The following FNTA variants were observed in gnomAD, a reference collection of about 807,000 sequenced individuals.
The protein encoded by FNTA is protein farnesyltransferase/geranylgeranyltransferase type-1 subunit alpha.
FNTA carries 27 observed loss-of-function variants against 55.2 expected under a neutral mutation model. The ratio of observed to expected loss-of-function variants is 0.49; its 90% CI spans 0.36 to 0.67. The LOEUF (loss-of-function observed/expected upper bound fraction) is 0.67, where lower values mean the gene tolerates loss of function less well. FNTA is among the 30% of genes least tolerant of loss of function. The pLI, the probability that FNTA is intolerant of heterozygous loss-of-function variation, is 0.00. For missense variants in FNTA, 422 were observed against 464.7 expected, an observed-to-expected ratio of 0.91 and a Z score of 0.85; for synonymous variants, 176 against 170.7, an observed-to-expected ratio of 1.03 and a Z score of -0.24.
chr8:43,073,932 A>T (rs117040226), intron 5 of FNTA, among the ~76,000 whole-genome samples: 1 of 152,190 alleles, frequency 6.6e-6, no homozygotes, highest in East Asian at 1.9e-4. Context: ...GTTATTTTCA[A>T]TGAGGATTTA....
intron 7 of FNTA, 63 bp downstream of exon 7, chr8:43,083,243 AGTGT>A: frequency 2.2e-6 from 2 of 890,420 alleles, no homozygotes; most frequent in Non-Finnish European, 3.6e-6. Flanking sequence ...TGCATCATGG[AGTGT>A]ATTCCATAAT....
At chr8:43,071,689 C>T (rs1395125142) in intron 4 of FNTA, among the ~76,000 whole-genome samples, 4 of 139,900 alleles carry the variant, frequency 2.9e-5, no homozygotes, top group African/African-American at 1.1e-4. Context: ...AGCGAGACTT[C>T]GTCTCAAAAA....
chr8:43,064,585 G>A (rs1270346091), intron 3 of FNTA, among the ~76,000 whole-genome samples: 1 of 152,098 alleles, frequency 6.6e-6, no homozygotes, highest in Non-Finnish European at 1.5e-5. Flanking sequence ...AAAGTGTTTG[G>A]ATTGCAGGTG....
chr8:43,059,474 G>A (rs1810483890), intron 2 of FNTA, among the ~76,000 whole-genome samples: 1 of 152,176 alleles, frequency 6.6e-6, no homozygotes, highest in South Asian at 2.1e-4. Flanking sequence ...CCGCCAGGGA[G>A]ATTATGCATG....
At chr8:43,059,038 C>A (rs779119464) in intron 1 of FNTA, 54 bp from the exon 2 acceptor site, 5 of 1,256,786 alleles carry the variant, frequency 4.0e-6, no homozygotes, top group Non-Finnish European at 5.8e-6. Context: ...ACACTAGAGT[C>A]CCTTTTCTTC....
rs956340668 is a variant in FNTA, at chr8:43,060,217, A to T, written c.286+1040A>T. On this transcript the variant is annotated intron_variant, in intron 2 of 8. Coordinates refer to ENST00000302279, the MANE Select transcript of FNTA (RefSeq NM_002027.3). ...TAGTATATATGAAGAGACAATTCAC[A>T]AAATAGAAATATCTATGAAGAGATA... Among the ~76,000 whole-genome samples, 33 of 152,354 alleles carry T rather than the reference A, an allele frequency of 2.2e-4. No individual in the cohort carries two copies. The Middle Eastern group carries it at 0.01, about 47-fold the overall frequency.
At chr8:43,059,432 T>C (rs1219563853) in intron 2 of FNTA, among the ~76,000 whole-genome samples, 1 of 152,182 alleles carries the variant, frequency 6.6e-6, no homozygotes, top group Non-Finnish European at 1.5e-5. Context: ...TACTATGTGA[T>C]TGTGGTTTTC....
At chr8:43,077,115 T>C (rs982692633) in intron 5 of FNTA, 101 bp from the exon 6 acceptor site, 4 of 706,136 alleles carry the variant, frequency 5.7e-6, no homozygotes, top group African/African-American at 1.8e-5. Context: ...ATAAATCCTG[T>C]GTCCTCAGTT....
At chr8:43,078,363 T>A (rs987844826) in intron 6 of FNTA, 3 of 152,196 alleles carry the variant, frequency 2.0e-5, no homozygotes, top group African/African-American at 7.2e-5. Context: ...TTGTTTTTTT[T>A]AACAAGTTGA....
chr8:43,062,426 CAT>C (rs1810556518), intron 2 of FNTA, among the ~76,000 whole-genome samples: 1 of 151,826 alleles, frequency 6.6e-6, no homozygotes, highest in Admixed American at 6.6e-5. Flanking sequence ...GGATTACAGG[CAT>C]GTGTCACCAT....
chr8:43,074,552 C>G (rs978837961), intron 5 of FNTA, among the ~76,000 whole-genome samples: 9 of 11,546 alleles, frequency 7.8e-4, no homozygotes, highest in South Asian at 5.0e-3. Flanking sequence ...AAGTGAAATA[C>G]ACACACACAC....
chr8:43,084,072 G>GAA (rs796564498), intron 7 of FNTA, among the ~76,000 whole-genome samples: 1 of 134,018 alleles, frequency 7.5e-6, no homozygotes. Context: ...CTGTCTCAAA[G>GAA]AAAAAAAAAA....
chr8:43,077,041 A>G (rs369365300), intron 5 of FNTA, 175 bp from the exon 6 acceptor site: 14 of 460,356 alleles, frequency 3.0e-5, no homozygotes, highest in Non-Finnish European at 5.3e-5. Flanking sequence ...TCTATCATCA[A>G]TTTCATACTT....
intron 7 of FNTA, 84 bp from the exon 8 acceptor site, chr8:43,084,626 C>T: frequency 9.7e-7 from 1 of 1,028,518 alleles, no homozygotes; most frequent in Non-Finnish European, 1.4e-6. Context: ...GTTTGTGTTT[C>T]AGGGTTTATT....
intron 2 of FNTA, chr8:43,063,391 G>T: frequency 2.2e-6 from 1 of 451,362 alleles, no homozygotes; most frequent in Non-Finnish European, 4.4e-6. Context: ...TTGAATACTT[G>T]CACACATATG....
At position 43,069,542 on chromosome 8, in the gene FNTA, A is replaced by T. The variant is rs545769169; in HGVS notation, c.402-13A>T. ...GTAATAATGCGACTTTGGATGTTGT[A>T]TGTTTGCCCTAGGCATTTCCGGAGA... is the stretch of plus-strand genomic sequence containing the variant. On this transcript the variant is annotated splice_polypyrimidine_tract_variant and intron_variant, in intron 3 of 8. Coordinates refer to ENST00000302279, the MANE Select transcript of FNTA (RefSeq NM_002027.3). 1 of 1,539,098 alleles carries T rather than the reference A, an allele frequency of 6.5e-7. No homozygotes were observed. Among genetic ancestry groups the T allele is most frequent in the Admixed American group, 1.7e-5 (1 of 59,278 alleles).
chr8:43,069,882 G>A (rs1222367464), intron 4 of FNTA, among the ~76,000 whole-genome samples: 1 of 151,942 alleles, frequency 6.6e-6, no homozygotes, highest in Non-Finnish European at 1.5e-5. Flanking sequence ...GACCTCAGGT[G>A]ATCCGCCCTC....
At chr8:43,062,173 A>ATGTGTGTG (rs35607201) in intron 2 of FNTA, among the ~76,000 whole-genome samples, 94 of 149,018 alleles carry the variant, frequency 6.3e-4, no homozygotes, top group South Asian at 2.1e-3. Context: ...TGTATGTTTT[A>ATGTGTGTG]TGTGTGTGTG....
In FNTA at chr8:43,060,675, CAAA is replaced by C. The variant is rs202205706; in HGVS notation, c.286+1514_286+1516del. Reference sequence around the variant, plus strand: ...GGACGACAAGAGCAAAACTCTGTCTCAAAAAAAAAAAAAAAAAATTAACTTTGT... The same window carrying C: ...GGACGACAAGAGCAAAACTCTGTCTCAAAAAAAAAAAAAAATTAACTTTGT... On this transcript the variant is annotated intron_variant, in intron 2 of 8. Transcript: ENST00000302279. Among the ~76,000 whole-genome samples the C allele has an allele frequency of 4.1e-3, 575 of 140,984 alleles. 7 individuals are homozygous for C. The highest frequency in any genetic ancestry group is 0.018 in the Middle Eastern group (5 of 276). The allele number at this position is 140,984 out of a possible 152,430, so 92.5% of individuals were successfully genotyped here.
Sources: gnomAD v4.1 joint callset for allele counts (sites outside exome capture counted in the v4.1 genomes callset) on GRCh38, gnomAD v4.1.1 for gene constraint, MANE v1.5 for transcripts, NCBI Gene and HGNC (gene_info 2026-07-23, HGNC 2026-07-21) for gene names.